STS: variants seen among roughly 807,000 people sequenced by gnomAD.
STS encodes steryl-sulfatase.
Under a neutral mutation model 26.8 loss-of-function variants are expected in STS, and 7 were observed. The ratio of observed to expected loss-of-function variants is 0.26; its 90% CI spans 0.15 to 0.49. The LOEUF (loss-of-function observed/expected upper bound fraction) is 0.49. STS is among the 20% of genes least tolerant of loss of function. STS has a pLI of 0.98. For synonymous variants in STS, 199 were observed against 189.4 expected, an observed-to-expected ratio of 1.05 and a Z score of -0.42; for missense variants, 434 against 465.6, an observed-to-expected ratio of 0.93 and a Z score of 0.63.
intron 7 of STS, among the ~76,000 whole-genome samples, chrX:7,303,127 A>G (rs1265925155): frequency 9.0e-6 from 1 of 111,239 alleles, no homozygotes; most frequent in East Asian, 2.9e-4. Flanking sequence ...TAATGGAATC[A>G]TGGGGGAGAT....
At position 7,257,265 on chromosome X, in the gene STS, C is replaced by A; in HGVS notation, c.161C>A (p.Ala54Asp). 1 of 1,211,188 alleles carries A rather than the reference C, an allele frequency of 8.3e-7. No homozygotes were observed. The highest frequency in any genetic ancestry group is 1.1e-6 in the Non-Finnish European group (1 of 895,215). ...AGGACTCCCAATATCGACCGGTTGG[C>A]CAGTGGGGGAGTGAAACTCACTCAG... ...TIRTPNIDRL[A>D]SGGVKLTQHL... The change falls in exon 4 of 11, where the codon GCC (alanine) becomes GAC (aspartate). Residue 54 changes from alanine (A) to aspartate (D), a missense_variant. By Grantham distance (126) the Ala-to-Asp change is moderately radical. Around this residue, in one of 2 missense-constraint regions of STS, gnomAD observed 229 missense variants for 288.3 expected, o/e 0.79. Coordinates refer to ENST00000674429, the MANE Select transcript of STS (RefSeq NM_001320752.2).
At position 7,207,834 on chromosome X, in the gene STS, G is replaced by A. The variant is rs369332518; in HGVS notation, c.-5+16826G>A. On this transcript the variant is annotated intron_variant, in intron 2 of 10. Transcript: ENST00000674429. ...ACTTGACAGAAAGAATCGGCTATTC[G>A]ATAGCAGGCTCAGGGGTACACATAC... Among the ~76,000 whole-genome samples, 23 of 112,104 alleles carry A rather than the reference G, an allele frequency of 2.1e-4. No individual in the cohort carries two copies. The East Asian group carries it at 4.8e-3, about 23-fold the overall frequency.
intron 1 of STS, among the ~76,000 whole-genome samples, chrX:7,169,885 T>G: frequency 1.0e-5 from 1 of 97,038 alleles, no homozygotes; most frequent in South Asian, 6.3e-4. Flanking sequence ...GGGTGGCATG[T>G]TTGTTGGTGG....
chrX:7,304,822 A>G (rs1369256548), intron 7 of STS, among the ~76,000 whole-genome samples: 1 of 111,593 alleles, frequency 9.0e-6, no homozygotes, highest in African/African-American at 3.3e-5. Flanking sequence ...AGAGGTTCAA[A>G]TGGTGCTTCT....
chrX:7,241,810 C>T (rs1257879709), intron 2 of STS, among the ~76,000 whole-genome samples: 1 of 112,205 alleles, frequency 8.9e-6, no homozygotes, highest in Non-Finnish European at 1.9e-5. Context: ...TTTCAGGCTA[C>T]TTCAGGTGTC....
At chrX:7,301,135 A>G (rs1172489612) in intron 7 of STS, among the ~76,000 whole-genome samples, 2 of 110,661 alleles carry the variant, frequency 1.8e-5, no homozygotes, top group Admixed American at 1.9e-4. Flanking sequence ...GGCATTTAAA[A>G]AATTAACAGA....
chrX:7,182,744 G>A (rs1193517029), intron 1 of STS, among the ~76,000 whole-genome samples: 1 of 110,802 alleles, frequency 9.0e-6, no homozygotes, highest in African/African-American at 3.3e-5. Context: ...TAGACTCTGC[G>A]GGGGGTGGTA....
chrX:7,305,086 T>C lies in STS; in HGVS notation c.984T>C (p.Asn328=). ...LNLLDELRLA[N]DTLIYFTSDQ... ...TTCTGGATGAGCTGAGATTGGCTAA[T>C]GATACCCTCATCTACTTCACATCGG... The change falls in exon 8 of 11, where the codon AAT becomes AAC. Residue 328 remains asparagine (N), a synonymous_variant. Coordinates refer to ENST00000674429, the MANE Select transcript of STS (RefSeq NM_001320752.2). 8.3e-7 allele frequency: 1 copy of C among 1,211,243 alleles called. No individual in the cohort carries two copies. The highest frequency in any genetic ancestry group is 1.1e-6 in the Non-Finnish European group (1 of 895,020).
At chrX:7,244,937 A>T (rs1341060495) in intron 2 of STS, among the ~76,000 whole-genome samples, 1 of 112,182 alleles carries the variant, frequency 8.9e-6, no homozygotes, top group Non-Finnish European at 1.9e-5. Context: ...CTTGGTACAT[A>T]CTAAGCACCC....
chrX:7,337,814 G>A (rs753447044), intron 10 of STS, among the ~76,000 whole-genome samples: 15 of 111,795 alleles, frequency 1.3e-4, no homozygotes, highest in Non-Finnish European at 2.3e-4. Flanking sequence ...CAGTTTGTTG[G>A]TATCAGTAGA....
Position 7,335,427 on chromosome X carries a change from T to C in STS, c.1363+1320T>C, listed in dbSNP as rs1437752330. On this transcript the variant is annotated intron_variant, in intron 10 of 10. Transcript: ENST00000674429. ...TCTTCTTTTGAGAAGTGTCTGTTCA[T>C]GTCCTTTGCCCACTTTTTGATGGGG... Among the ~76,000 whole-genome samples the C allele has an allele frequency of 3.6e-5, 4 of 112,501 alleles. No individual in the cohort carries two copies. In the East Asian group the frequency reaches 8.4e-4, roughly 24 times the overall value.
chrX:7,225,823 A>G (rs1362262698), intron 2 of STS, among the ~76,000 whole-genome samples: 10 of 111,696 alleles, frequency 9.0e-5, no homozygotes, highest in African/African-American at 2.3e-4. Context: ...GCATATTTCT[A>G]AAGTGTTTTA....
At chrX:7,167,412 C>T (rs988737880) in intron 1 of STS, among the ~76,000 whole-genome samples, 8 of 110,470 alleles carry the variant, frequency 7.2e-5, no homozygotes, top group East Asian at 5.8e-4. Flanking sequence ...GATGAGGTTT[C>T]GCCATGTTGG....
chrX:7,151,076 T>C lies in STS; in HGVS notation c.-134+2993T>C, dbSNP rs1933003358. Among the ~76,000 whole-genome samples the C allele has an allele frequency of 2.7e-5, 3 of 112,515 alleles. No individual in the cohort carries two copies. In the Admixed American group the frequency reaches 2.8e-4, roughly 11 times the overall value. On this transcript the variant is annotated intron_variant, in intron 1 of 10. Transcript: ENST00000674429. ...ATCAATGGGACAAATAAACAGATGC[T>C]CTTCTTTCACACAACATGTAAACTT...
chrX:7,301,032 C>T (rs1925937760), intron 7 of STS, among the ~76,000 whole-genome samples: 1 of 111,122 alleles, frequency 9.0e-6, no homozygotes, highest in Non-Finnish European at 1.9e-5. Flanking sequence ...GACACCCCAG[C>T]CTTTAGCACA....
intron 1 of STS, among the ~76,000 whole-genome samples, chrX:7,162,289 C>T (rs1933259841): frequency 1.8e-5 from 2 of 111,843 alleles, no homozygotes; most frequent in South Asian, 7.5e-4. Context: ...AGTCCAGTCT[C>T]ACCTCAGGTG....
chrX:7,165,117 T>C (rs1435512819), intron 1 of STS, among the ~76,000 whole-genome samples: 2 of 108,851 alleles, frequency 1.8e-5, no homozygotes, highest in African/African-American at 6.7e-5. Context: ...GAAGTATGGG[T>C]ACATCTGGGA....
intron 1 of STS, among the ~76,000 whole-genome samples, chrX:7,188,567 G>C (rs1170750301): frequency 9.0e-6 from 1 of 111,594 alleles, no homozygotes; most frequent in Admixed American, 9.5e-5. Flanking sequence ...CCATTGTGCT[G>C]TTTCATTCTG....
intron 7 of STS, among the ~76,000 whole-genome samples, chrX:7,297,408 C>T (rs1421963832): frequency 9.0e-6 from 1 of 111,078 alleles, no homozygotes; most frequent in Non-Finnish European, 1.9e-5. Context: ...ATGCTAAGTA[C>T]AAGGTCTTGT....
Sources: allele counts gnomAD v4.1 joint callset (sites outside exome capture counted in the v4.1 genomes callset), GRCh38; gene constraint gnomAD v4.1.1; regional missense constraint gnomAD v4.1.1; transcripts MANE v1.5; gene names NCBI Gene and HGNC (gene_info 2026-07-23, HGNC 2026-07-21).